The following CPLX1 variants were observed in gnomAD, a reference collection of about 807,000 sequenced individuals.
CPLX1 encodes the protein complexin 1, also known as complexin-1.
CPLX1 carries 6 observed loss-of-function variants against 15.6 expected under a neutral mutation model. That is an observed-to-expected ratio of 0.39 (90% CI 0.21 to 0.76). The LOEUF is 0.76. CPLX1 is among the 30% of genes least tolerant of loss of function. CPLX1 has a pLI of 0.43. For missense variants in CPLX1, 242 were observed against 188.6 expected, an observed-to-expected ratio of 1.28 and a Z score of -1.66; for synonymous variants, 91 against 75.2, an observed-to-expected ratio of 1.21 and a Z score of -1.08.
intron 2 of CPLX1, among the ~76,000 whole-genome samples, chr4:800,946 G>A (rs1746444629): frequency 1.3e-5 from 2 of 151,736 alleles, no homozygotes; most frequent in African/African-American, 4.8e-5. Flanking sequence ...GAACCCTGGA[G>A]GTGGAGGTTG....
At chr4:787,382 T>C in intron 3 of CPLX1, 4 of 985,236 alleles carry the variant, frequency 4.1e-6, no homozygotes, top group Non-Finnish European at 4.8e-6. Context: ...CCCTCCGTAG[T>C]AGCTGAATAT....
At chr4:809,686 A>G (rs1746626101) in intron 2 of CPLX1, among the ~76,000 whole-genome samples, 2 of 152,332 alleles carry the variant, frequency 1.3e-5, no homozygotes, top group East Asian at 1.9e-4. Flanking sequence ...GTATATGTGT[A>G]TGAAGCCATC....
At chr4:821,572 C>A (rs1268824371) in intron 2 of CPLX1, among the ~76,000 whole-genome samples, 1 of 152,238 alleles carries the variant, frequency 6.6e-6, no homozygotes, top group Admixed American at 6.5e-5. Context: ...GTGCCACGTT[C>A]CTCCACGCTG....
At chr4:790,946 CTG>C (rs1485121340) in intron 3 of CPLX1, among the ~76,000 whole-genome samples, 2 of 137,248 alleles carry the variant, frequency 1.5e-5, no homozygotes, top group Non-Finnish European at 3.2e-5. Context: ...GTCTTTTTCT[CTG>C]TCTCTCCCTC....
intron 2 of CPLX1, among the ~76,000 whole-genome samples, chr4:821,214 C>T (rs937139464): frequency 2.0e-5 from 3 of 152,202 alleles, no homozygotes; most frequent in African/African-American, 4.8e-5. Context: ...GGACACTGTC[C>T]ATCGTGACTG....
chr4:821,040 G>GTGTGT (rs1041461785), intron 2 of CPLX1, among the ~76,000 whole-genome samples: 3 of 152,140 alleles, frequency 2.0e-5, no homozygotes, highest in Non-Finnish European at 4.4e-5. Flanking sequence ...CACCCCTACG[G>GTGTGT]TGTGTTCTCC....
chr4:808,055 C>G (rs1292779119), intron 2 of CPLX1, among the ~76,000 whole-genome samples: 3 of 151,984 alleles, frequency 2.0e-5, no homozygotes, highest in Non-Finnish European at 4.4e-5. Flanking sequence ...CGCTTGAGCC[C>G]AGGAGCTCAA....
In CPLX1 at chr4:785,710, C is replaced by T; in HGVS notation, c.*791G>A. ...CAGCGTCCGGTGCCTCGGGCCTCTG[C>T]GGCTCCTGTGGAGGGTGCAGTGTTC... On this transcript the variant is annotated 3_prime_UTR_variant, in exon 4 of 4. Coordinates refer to ENST00000304062, the MANE Select transcript of CPLX1 (RefSeq NM_006651.4). The T allele has an allele frequency of 6.6e-6, 1 of 152,460 alleles. No homozygotes were observed. The highest frequency in any genetic ancestry group is 1.5e-5 in the Non-Finnish European group (1 of 68,150). 9.4% of individuals were successfully genotyped at this position (152,460 alleles called of 1,614,324 possible). A position where few individuals can be genotyped will look rare whatever the true frequency, so the allele number is the denominator to read the frequency against.
In CPLX1 at chr4:821,395, G is replaced by A. The variant is rs958454643; in HGVS notation, c.31+3097C>T. Among the ~76,000 whole-genome samples, 6 of 152,176 alleles carry A rather than the reference G, an allele frequency of 3.9e-5. No homozygotes were observed. The South Asian group carries it at 6.2e-4, about 16-fold the overall frequency. On this transcript the variant is annotated intron_variant, in intron 2 of 3. Coordinates refer to ENST00000304062, the MANE Select transcript of CPLX1 (RefSeq NM_006651.4). ...TCTCCGCACATGCATCCTCCAAGCCGTGTCCCACCTGAAGCCCCGGCCCGC... is the reference window on the plus strand; with the variant it reads ...TCTCCGCACATGCATCCTCCAAGCCATGTCCCACCTGAAGCCCCGGCCCGC...
intron 2 of CPLX1, among the ~76,000 whole-genome samples, chr4:814,816 C>T (rs1479683960): frequency 6.6e-6 from 1 of 152,234 alleles, no homozygotes; most frequent in Non-Finnish European, 1.5e-5. Context: ...GAACAAGTGT[C>T]GTGTGTGAGG....
chr4:795,521 G>T (rs966590594), intron 2 of CPLX1, among the ~76,000 whole-genome samples: 5 of 152,210 alleles, frequency 3.3e-5, no homozygotes, highest in African/African-American at 1.2e-4. Flanking sequence ...TTGCAGGGGG[G>T]TCGGATCCGA....
At chr4:792,307 C>T in intron 3 of CPLX1, 126 bp downstream of exon 3, 1 of 922,730 alleles carries the variant, frequency 1.1e-6, no homozygotes, top group South Asian at 1.9e-5. Flanking sequence ...CTGAAGCCCC[C>T]AAAGGGTAGG....
In CPLX1 at chr4:786,093, G is replaced by A. The variant is rs1036186259; in HGVS notation, c.*408C>T. ...GCAGGAGGGGGACCCAGGCCCCGCC[G>A]CCCTCGCCCCGCCCGCAGCCCCCCG... On this transcript the variant is annotated 3_prime_UTR_variant, in exon 4 of 4. Coordinates refer to ENST00000304062, the MANE Select transcript of CPLX1 (RefSeq NM_006651.4). 1.6e-3 allele frequency: 247 copies of A among 154,808 alleles called. 1 individual carries two copies. Among genetic ancestry groups the A allele is most frequent in the African/African-American group, 4.7e-3 (195 of 41,660 alleles). 9.6% of individuals were successfully genotyped at this position (154,808 alleles called of 1,614,324 possible).
chr4:824,188 C>A (rs1746927181), intron 2 of CPLX1, among the ~76,000 whole-genome samples: 1 of 152,252 alleles, frequency 6.6e-6, no homozygotes, highest in African/African-American at 2.4e-5. Context: ...CACCCTCCCC[C>A]AGGACGTGCA....
chr4:797,103 A>G, intron 2 of CPLX1, among the ~76,000 whole-genome samples: 1 of 152,248 alleles, frequency 6.6e-6, no homozygotes, highest in Admixed American at 6.5e-5. Flanking sequence ...ATTCTTATTG[A>G]TTGTAGAACT....
chr4:814,090 C>G (rs1460331692), intron 2 of CPLX1, among the ~76,000 whole-genome samples: 2 of 152,214 alleles, frequency 1.3e-5, no homozygotes, highest in Non-Finnish European at 2.9e-5. Context: ...TCTCTCCCGT[C>G]CAGCAGGTGG....
At chr4:793,952 C>T (rs1210223145) in intron 2 of CPLX1, among the ~76,000 whole-genome samples, 2 of 152,238 alleles carry the variant, frequency 1.3e-5, no homozygotes, top group East Asian at 1.9e-4. Context: ...GTGCCCCCCA[C>T]CTCGTTTCTG....
At chr4:825,653 C>A (rs907771699) in intron 1 of CPLX1, among the ~76,000 whole-genome samples, 1 of 151,624 alleles carries the variant, frequency 6.6e-6, no homozygotes, top group Admixed American at 6.6e-5. Context: ...CAGGAAGAAG[C>A]GAGGAGGAGG....
rs544979363 is a variant in CPLX1 at position 790,377 on chromosome 4, CCG to C, written c.207+2054_207+2055del. The stretch of plus-strand genomic sequence containing the variant: ...TCCGGCCAGCTCCCCATAGGCCTGA[CCG>C]GCGAGCCCTGCACCCCAGCTGCCAG... On this transcript the variant is annotated intron_variant, in intron 3 of 3. Transcript: ENST00000304062. Among the ~76,000 whole-genome samples, 3 of 152,268 alleles carry C rather than the reference CCG, an allele frequency of 2.0e-5. No individual in the cohort carries two copies. In the East Asian group the frequency reaches 5.8e-4, roughly 29 times the overall value.
Sources: gnomAD v4.1 joint callset for allele counts (sites outside exome capture counted in the v4.1 genomes callset) on GRCh38, gnomAD v4.1.1 for gene constraint, MANE v1.5 for transcripts, NCBI Gene and HGNC (gene_info 2026-07-23, HGNC 2026-07-21) for gene names.